The following PPM1H variants were observed in gnomAD, a reference collection of about 807,000 sequenced individuals.
PPM1H encodes the protein protein phosphatase 1H.
Under a neutral mutation model 54.9 loss-of-function variants are expected in PPM1H, and 27 were observed. The observed-to-expected ratio is 0.49, with a 90% CI of 0.36 to 0.68. The LOEUF (loss-of-function observed/expected upper bound fraction) is 0.68, where lower values mean the gene tolerates loss of function less well. PPM1H is among the 30% of genes least tolerant of loss of function. The pLI, the probability that PPM1H is intolerant of heterozygous loss-of-function variation, is 0.00. For synonymous variants in PPM1H, 305 were observed against 270.8 expected (o/e 1.13, Z -1.24); for missense variants, 596 against 667.8 (o/e 0.89, Z 1.19).
intron 6 of PPM1H, among the ~76,000 whole-genome samples, chr12:62,708,117 C>T (rs1014861784): frequency 1.3e-5 from 2 of 152,228 alleles, no homozygotes; most frequent in Admixed American, 6.5e-5. Context: ...TCTGAAACAC[C>T]GCTGGCATCT....
In PPM1H at chr12:62,734,832, C is replaced by T. The variant is rs374148806; in HGVS notation, c.954+2670G>A. On this transcript the variant is annotated intron_variant, in intron 5 of 9. Coordinates refer to ENST00000228705, the MANE Select transcript of PPM1H (RefSeq NM_020700.2). ...CTGAGGTGAGAGGATTGCTTGAGCC[C>T]AGGAGTTTAAGACCAGCCCTGGCAA... 1.4e-4 allele frequency among the ~76,000 whole-genome samples: 22 copies of T among 152,182 alleles called. No homozygotes were observed. The East Asian group carries it at 3.9e-3, about 27-fold the overall frequency.
At position 62,924,333 on chromosome 12, in the gene PPM1H, T is replaced by A. The variant is rs116031634; in HGVS notation, c.245+10159A>T. ...CAAGGAACAAATCCCAGGTTACACA[T>A]ACAGGGATGGAAGCCTCTTGTAAGA... is the stretch of plus-strand genomic sequence containing the variant. On this transcript the variant is annotated intron_variant, in intron 1 of 9. Transcript: ENST00000228705. Among the ~76,000 whole-genome samples, 1,270 of 152,314 alleles carry A rather than the reference T, an allele frequency of 8.3e-3. 21 individuals carry two copies. The highest frequency in any genetic ancestry group is 0.029 in the African/African-American group (1,204 of 41,582).
intron 4 of PPM1H, among the ~76,000 whole-genome samples, chr12:62,749,551 C>T (rs1040360487): frequency 2.0e-5 from 3 of 152,104 alleles, no homozygotes; most frequent in Non-Finnish European, 4.4e-5. Context: ...GTTACCTTAC[C>T]ATCGTCAGAG....
chr12:62,873,124 C>T (rs1450917089), intron 1 of PPM1H, among the ~76,000 whole-genome samples: 1 of 152,140 alleles, frequency 6.6e-6, no homozygotes. Flanking sequence ...TTTGATATAA[C>T]TCATCTGAGT....
At chr12:62,889,445 C>T (rs1157352676) in intron 1 of PPM1H, among the ~76,000 whole-genome samples, 3 of 151,794 alleles carry the variant, frequency 2.0e-5, no homozygotes, top group Non-Finnish European at 4.4e-5. Context: ...TTACTTGAGC[C>T]CAGGAGTTCA....
At chr12:62,674,895 C>T (rs1330887661) in intron 8 of PPM1H, among the ~76,000 whole-genome samples, 1 of 152,112 alleles carries the variant, frequency 6.6e-6, no homozygotes, top group African/African-American at 2.4e-5. Context: ...CTGGACTTCT[C>T]CAATCTCCCC....
chr12:62,842,460 C>A (rs1868788094), intron 1 of PPM1H, among the ~76,000 whole-genome samples: 1 of 151,954 alleles, frequency 6.6e-6, no homozygotes, highest in South Asian at 2.1e-4. Context: ...AATATGAAAC[C>A]AAAAGACAGA....
intron 9 of PPM1H, 140 bp downstream of exon 9, chr12:62,667,038 A>G: frequency 1.1e-6 from 1 of 937,496 alleles, no homozygotes; most frequent in South Asian, 2.0e-5. Context: ...AAGAAAGGTA[A>G]TCCCTTCTGC....
rs187379504 is a variant in PPM1H, at chr12:62,934,181, T to C, written c.245+311A>G. The C allele has an allele frequency of 4.5e-5, 15 of 331,498 alleles. No homozygotes were observed. The Admixed American group carries it at 7.2e-4, about 16-fold the overall frequency. 20.5% of individuals were successfully genotyped at this position (331,498 alleles called of 1,614,324 possible). Reference sequence around the variant, plus strand: ...AAACTTCAGAGCTTTTCTGCCCGTTTTTTTTCCCCAAGTGACAGAGACCCC... The same window carrying C: ...AAACTTCAGAGCTTTTCTGCCCGTTCTTTTTCCCCAAGTGACAGAGACCCC... On this transcript the variant is annotated intron_variant, in intron 1 of 9. Coordinates refer to ENST00000228705, the MANE Select transcript of PPM1H (RefSeq NM_020700.2). The surrounding 1 kb of genome is among the most constrained non-coding windows in gnomAD (Gnocchi z 4.2).
chr12:62,821,880 C>A (rs2120817184), intron 2 of PPM1H, among the ~76,000 whole-genome samples: 1 of 152,294 alleles, frequency 6.6e-6, no homozygotes, highest in Non-Finnish European at 1.5e-5. Flanking sequence ...CAGCTAACAT[C>A]CTAATGACAG....
intron 8 of PPM1H, among the ~76,000 whole-genome samples, chr12:62,672,549 C>G (rs1218033426): frequency 1.3e-5 from 2 of 152,210 alleles, no homozygotes; most frequent in African/African-American, 4.8e-5. Context: ...CAGATCTGAG[C>G]TGCATACTTC....
chr12:62,904,971 A>G (rs952480155), intron 1 of PPM1H, among the ~76,000 whole-genome samples: 4 of 152,132 alleles, frequency 2.6e-5, no homozygotes, highest in African/African-American at 9.7e-5. Context: ...ACTCCTAATA[A>G]CAGGGATAGT....
intron 2 of PPM1H, among the ~76,000 whole-genome samples, chr12:62,806,032 G>A (rs1277695182): frequency 6.6e-6 from 1 of 152,172 alleles, no homozygotes; most frequent in African/African-American, 2.4e-5. Flanking sequence ...AATGTAACTA[G>A]AGGGGTAGGA....
chr12:62,746,139 G>A (rs2076409093), intron 4 of PPM1H, among the ~76,000 whole-genome samples: 1 of 152,218 alleles, frequency 6.6e-6, no homozygotes, highest in East Asian at 1.9e-4. Context: ...AGGCTATGAT[G>A]AGCTATGATC....
chr12:62,887,854 G>A lies in PPM1H; in HGVS notation c.245+46638C>T, dbSNP rs75868278. ...CAATGGCAGTGTTCCAGGCTGAGGG[G>A]AGAGCAACTGCAAAGGTCTGAAGTG... On this transcript the variant is annotated intron_variant, in intron 1 of 9. Coordinates refer to ENST00000228705, the MANE Select transcript of PPM1H (RefSeq NM_020700.2). Among the ~76,000 whole-genome samples the A allele has an allele frequency of 2.6e-4, 40 of 152,304 alleles. No individual in the cohort carries two copies. The East Asian group carries it at 6.4e-3, about 24-fold the overall frequency.
At chr12:62,907,186 G>C (rs1318138051) in intron 1 of PPM1H, among the ~76,000 whole-genome samples, 1 of 152,110 alleles carries the variant, frequency 6.6e-6, no homozygotes, top group Non-Finnish European at 1.5e-5. Context: ...CTCCATCTAA[G>C]ACATGCAATC....
At chr12:62,650,734 G>A (rs181961154) in intron 9 of PPM1H, among the ~76,000 whole-genome samples, 1 of 152,078 alleles carries the variant, frequency 6.6e-6, no homozygotes, top group African/African-American at 2.4e-5. Flanking sequence ...GTGAGTGAAG[G>A]GGGGAAATGC....
intron 6 of PPM1H, among the ~76,000 whole-genome samples, chr12:62,698,687 CA>C (rs1565760502): frequency 6.6e-6 from 1 of 151,928 alleles, no homozygotes; most frequent in African/African-American, 2.4e-5. Flanking sequence ...TAAAAATTAA[CA>C]AAGCTATTTC....
At chr12:62,820,459 C>T (rs530399559) in intron 2 of PPM1H, among the ~76,000 whole-genome samples, 58 of 152,332 alleles carry the variant, frequency 3.8e-4, no homozygotes, top group African/African-American at 1.3e-3. Context: ...GGTCCCTGAA[C>T]CCCGAGTAGC....
Sources: gnomAD v4.1 joint callset for allele counts (sites outside exome capture counted in the v4.1 genomes callset) on GRCh38, gnomAD v4.1.1 for gene constraint, Gnocchi (gnomAD v3.1) non-coding constraint, MANE v1.5 for transcripts, NCBI Gene and HGNC (gene_info 2026-07-23, HGNC 2026-07-21) for gene names.